SCN11A: variants seen among roughly 807,000 people sequenced by gnomAD.
SCN11A encodes sodium voltage-gated channel alpha subunit 11.
A neutral mutation model predicts 162.2 loss-of-function variants in SCN11A; 122 were observed. That is an observed-to-expected ratio of 0.75 (90% confidence interval 0.65 to 0.87). The LOEUF is 0.87. Among genes scored for constraint, SCN11A ranks in the 40% least tolerant of loss-of-function variants. SCN11A has a pLI of 0.00. For synonymous variants in SCN11A, 758 were observed against 751.5 expected, an observed-to-expected ratio of 1.01 and a Z score of -0.14; for missense variants, 2,015 against 2,181.6, an observed-to-expected ratio of 0.92 and a Z score of 1.52.
intron 21 of SCN11A, among the ~76,000 whole-genome samples, chr3:38,883,864 T>A (rs2065350834): frequency 6.6e-6 from 1 of 152,182 alleles, no homozygotes; most frequent in African/African-American, 2.4e-5. Context: ...TATGCAGCAA[T>A]TTTTTTGGTA....
intron 1 of SCN11A, among the ~76,000 whole-genome samples, chr3:39,039,480 G>GC (rs35899885): frequency 0.44 from 67,550 of 151,926 alleles, 18,160 homozygotes; most frequent in African/African-American, 0.77. Flanking sequence ...GGATCCAATG[G>GC]CCCTATGTCT....
intron 1 of SCN11A, among the ~76,000 whole-genome samples, chr3:39,049,340 G>A (rs2032265919): frequency 6.6e-6 from 1 of 152,238 alleles, no homozygotes; most frequent in Non-Finnish European, 1.5e-5. Flanking sequence ...TTCTTTCATT[G>A]CAGAGTGAAT....
chr3:38,921,461 T>A (rs2066051302), intron 9 of SCN11A, among the ~76,000 whole-genome samples: 1 of 152,162 alleles, frequency 6.6e-6, no homozygotes, highest in Non-Finnish European at 1.5e-5. Context: ...GTCAACAAGT[T>A]TGAGACTCAA....
At chr3:38,921,001 A>C in intron 10 of SCN11A, 75 bp downstream of exon 10, 1 of 1,352,974 alleles carries the variant, frequency 7.4e-7, no homozygotes, top group East Asian at 2.3e-5. Context: ...GGGAAGTGTG[A>C]AGGCAGGACA....
chr3:39,048,104 C>A (rs557614901), intron 1 of SCN11A, among the ~76,000 whole-genome samples: 1 of 152,090 alleles, frequency 6.6e-6, no homozygotes, highest in Admixed American at 6.5e-5. Context: ...GGCCAAGATA[C>A]GGAGTTAACC....
intron 2 of SCN11A, among the ~76,000 whole-genome samples, chr3:39,015,490 A>G (rs1575359637): frequency 6.6e-6 from 1 of 152,202 alleles, no homozygotes; most frequent in African/African-American, 2.4e-5. Context: ...AAGCTTGATT[A>G]TTGTGAAGCT....
At chr3:38,874,554 T>G (rs1452769786) in intron 23 of SCN11A, among the ~76,000 whole-genome samples, 1 of 152,208 alleles carries the variant, frequency 6.6e-6, no homozygotes, top group Non-Finnish European at 1.5e-5. Flanking sequence ...CACTCAAGCC[T>G]GGATGACAGA....
At chr3:38,967,646 T>C (rs1413881397) in intron 2 of SCN11A, among the ~76,000 whole-genome samples, 1 of 152,166 alleles carries the variant, frequency 6.6e-6, no homozygotes, top group Non-Finnish European at 1.5e-5. Flanking sequence ...ATGCTGTCAG[T>C]ATGCAAGGGA....
At chr3:39,042,695 C>T (rs144084656) in intron 1 of SCN11A, among the ~76,000 whole-genome samples, 8 of 151,964 alleles carry the variant, frequency 5.3e-5, no homozygotes, top group East Asian at 3.9e-4. Context: ...CAGTGGCTCA[C>T]GCCTGTAATC....
chr3:38,927,079 G>A, intron 7 of SCN11A, 148 bp from the exon 8 acceptor site: 2 of 719,104 alleles, frequency 2.8e-6, no homozygotes, highest in Non-Finnish European at 4.6e-6. Flanking sequence ...GTTCAAAAAT[G>A]CAAGCTTTTT....
chr3:38,963,352 G>GAT (rs377651422), intron 2 of SCN11A, among the ~76,000 whole-genome samples: 2,351 of 38,092 alleles, frequency 0.062, 174 homozygotes, highest in Non-Finnish European at 0.087. Flanking sequence ...CTATTTGATG[G>GAT]ATATATATAT....
In SCN11A at chr3:39,024,338, G is replaced by A. The variant is rs185103623; in HGVS notation, c.-280+8042C>T. Among the ~76,000 whole-genome samples, 341 of 152,356 alleles carry A rather than the reference G, an allele frequency of 2.2e-3. 3 individuals are homozygous for A. Among genetic ancestry groups the A allele is most frequent in the African/African-American group, 7.5e-3 (314 of 41,590 alleles). On this transcript the variant is annotated intron_variant, in intron 2 of 29. Coordinates refer to ENST00000302328, the MANE Select transcript of SCN11A (RefSeq NM_001349253.2). ...TCAGAATCTTCTTGGCCTCTCTGTT[G>A]TAGCATTTATTCCTCCTGGGTATGG...
chr3:38,920,082 T>C, intron 10 of SCN11A, 81 bp from the exon 11 acceptor site: 1 of 1,085,178 alleles, frequency 9.2e-7, no homozygotes, highest in Non-Finnish European at 1.4e-6. Context: ...CAGATTATGC[T>C]TGAAAATGGA....
chr3:38,865,669 A>G (rs1252213733), intron 27 of SCN11A, among the ~76,000 whole-genome samples: 3 of 152,322 alleles, frequency 2.0e-5, no homozygotes, highest in Non-Finnish European at 4.4e-5. Context: ...ACTAATGTCT[A>G]TAAGTTAAAT....
rs1212006649 is a variant in SCN11A at position 38,937,944 on chromosome 3, G to A, written c.488+7467C>T. Among the ~76,000 whole-genome samples the A allele has an allele frequency of 3.3e-5, 5 of 151,940 alleles. No individual in the cohort carries two copies. The South Asian group carries it at 6.2e-4, about 19-fold the overall frequency. ...ACACATGCACACGTATGTTTATTGCGGCACTATTCACAATAGCAAATACTT... is the reference window on the plus strand; with the variant it reads ...ACACATGCACACGTATGTTTATTGCAGCACTATTCACAATAGCAAATACTT... On this transcript the variant is annotated intron_variant, in intron 7 of 29. Coordinates refer to ENST00000302328, the MANE Select transcript of SCN11A (RefSeq NM_001349253.2).
At chr3:38,946,940 C>T (rs1385279720) in intron 5 of SCN11A, 33 bp from the exon 6 acceptor site, 2 of 1,204,746 alleles carry the variant, frequency 1.7e-6, no homozygotes, top group Admixed American at 2.0e-5. Flanking sequence ...CAAGAAAACA[C>T]ACACATACAC....
chr3:38,962,350 G>T (rs1439797817), intron 2 of SCN11A, among the ~76,000 whole-genome samples: 2 of 152,062 alleles, frequency 1.3e-5, no homozygotes, highest in African/African-American at 2.4e-5. Flanking sequence ...GGCTGTGTGG[G>T]CTCTTTTTTG....
intron 19 of SCN11A, among the ~76,000 whole-genome samples, chr3:38,888,923 C>A (rs932186834): frequency 2.0e-5 from 3 of 151,938 alleles, no homozygotes; most frequent in Non-Finnish European, 4.4e-5. Context: ...GATGGGTGCA[C>A]CAAAATCTCA....
chr3:39,033,532 G>A (rs79611552), intron 1 of SCN11A, among the ~76,000 whole-genome samples: 4,401 of 152,264 alleles, frequency 0.029, 215 homozygotes, highest in African/African-American at 0.1. Context: ...GGCTTGGAGA[G>A]ATAATGTGAA....
Sources: gnomAD v4.1 joint callset for allele counts (sites outside exome capture counted in the v4.1 genomes callset) on GRCh38, gnomAD v4.1.1 for gene constraint, MANE v1.5 for transcripts, NCBI Gene and HGNC (gene_info 2026-07-23, HGNC 2026-07-21) for gene names.